The following ZCCHC24 variants were observed in gnomAD, a reference collection of about 807,000 sequenced individuals.
ZCCHC24 encodes the protein zinc finger CCHC-type containing 24, also known as zinc finger CCHC domain-containing protein 24.
ZCCHC24 carries 10 observed loss-of-function variants against 26.2 expected under a neutral mutation model. The ratio of observed to expected loss-of-function variants is 0.38; its 90% CI spans 0.24 to 0.65. ZCCHC24 has a LOEUF of 0.65. ZCCHC24 is among the 30% of genes least tolerant of loss of function. The pLI, the probability that ZCCHC24 is intolerant of heterozygous loss-of-function variation, is 0.54. For missense variants in ZCCHC24, 243 were observed against 329.1 expected (o/e 0.74, Z 2.03); for synonymous variants, 144 against 147.1 (o/e 0.98, Z 0.15).
In ZCCHC24 at chr10:79,386,195, G is replaced by C. The variant is rs1856389685; in HGVS notation, c.*150C>G. The C allele has an allele frequency of 3.0e-6, 2 of 668,690 alleles. No homozygotes were observed. Among genetic ancestry groups the C allele is most frequent in the Non-Finnish European group, 5.4e-6 (2 of 368,734 alleles). The allele number at this position is 668,690 out of a possible 1,614,324, so 41.4% of individuals were successfully genotyped here. A position where few individuals can be genotyped will look rare whatever the true frequency, so the allele number is the denominator to read the frequency against. Reference sequence around the variant, plus strand: ...TAACACTGTTTGTCAACACACACAAGACAAGGACGCTAAGAGCCCCCGGCC... The same window carrying C: ...TAACACTGTTTGTCAACACACACAACACAAGGACGCTAAGAGCCCCCGGCC... On this transcript the variant is annotated 3_prime_UTR_variant, in exon 4 of 4. Transcript: ENST00000372336.
rs1181060957 is a variant in ZCCHC24 at position 79,432,754 on chromosome 10, A to G, written c.251T>C (p.Leu84Pro). The G allele has an allele frequency of 2.5e-6, 4 of 1,607,682 alleles. No individual in the cohort carries two copies. In the South Asian group the frequency reaches 4.4e-5, roughly 18 times the overall value. Residue 84 changes from leucine (L) to proline (P), a missense_variant, in exon 2 of 4, where the codon CTG becomes CCG. Physicochemically the swap from Leu to Pro is moderately conservative, Grantham distance 98. Coordinates refer to ENST00000372336, the MANE Select transcript of ZCCHC24 (RefSeq NM_153367.4). ...SFFQLQRGEALSNSVYKGASP... is the reference protein window; with the variant it reads ...SFFQLQRGEAPSNSVYKGASP... ...GGCGCCCTTGTACACACTGTTGCTC[A>G]GCGCCTGTGGGAGACAGAGGCACAT...
chr10:79,445,319 C>A lies in ZCCHC24; in HGVS notation c.122G>T (p.Arg41Leu). Reference protein sequence around the residue: ...THQASAFDAFRPEPTAGAAPP... With the variant: ...THQASAFDAFLPEPTAGAAPP... ...TGCGGCGCCGGCGGTCGGCTCGGGC[C>A]GGAAGGCATCGAAGGCGCTAGCCTG... The change falls in exon 1 of 4, where the codon CGG becomes CTG. Residue 41 changes from arginine (R) to leucine (L), a missense_variant. Transcript: ENST00000372336. 6.6e-7 allele frequency: 1 copy of A among 1,517,738 alleles called. No homozygotes were observed. Among genetic ancestry groups the A allele is most frequent in the East Asian group, 2.8e-5 (1 of 36,158 alleles). The allele number at this position is 1,517,738 out of a possible 1,614,324, so 94.0% of individuals were successfully genotyped here.
At position 79,445,558 on chromosome 10, in the gene ZCCHC24, T is replaced by TCGCCCCGCGCCCTG. The variant is rs935167526; in HGVS notation, c.-132_-119dup. The TCGCCCCGCGCCCTG allele has an allele frequency of 2.2e-6, 2 of 928,394 alleles. No homozygotes were observed. The highest frequency in any genetic ancestry group is 2.7e-6 in the Non-Finnish European group (2 of 742,270). 57.5% of individuals were successfully genotyped at this position (928,394 alleles called of 1,614,324 possible). A position where few individuals can be genotyped will look rare whatever the true frequency, so the allele number is the denominator to read the frequency against. On this transcript the variant is annotated 5_prime_UTR_variant, in exon 1 of 4. Transcript: ENST00000372336. ...CCCGCCTCCCGAGCCCCGACGGTGA[T>TCGCCCCGCGCCCTG]CGCCCCGCGCCCTGCGCCCCGCGCG...
chr10:79,392,371 G>A (rs10762862), intron 3 of ZCCHC24, among the ~76,000 whole-genome samples: 61,207 of 151,936 alleles, frequency 0.4, 14,564 homozygotes, highest in East Asian at 0.83. Context: ...CCTCAAGCCC[G>A]CCCCAGCCCG....
At chr10:79,413,648 G>C (rs1056728487) in intron 2 of ZCCHC24, among the ~76,000 whole-genome samples, 1 of 152,230 alleles carries the variant, frequency 6.6e-6, no homozygotes, top group Non-Finnish European at 1.5e-5. Flanking sequence ...ACCATGCAAT[G>C]ACAACCGGGA....
At chr10:79,430,112 G>A (rs1857105424) in intron 2 of ZCCHC24, among the ~76,000 whole-genome samples, 1 of 152,178 alleles carries the variant, frequency 6.6e-6, no homozygotes, top group Admixed American at 6.5e-5. Context: ...CATTTACTAA[G>A]CACTTCCTGT....
At chr10:79,428,135 G>A (rs997323538) in intron 2 of ZCCHC24, among the ~76,000 whole-genome samples, 3 of 152,182 alleles carry the variant, frequency 2.0e-5, no homozygotes, top group Non-Finnish European at 4.4e-5. Context: ...CCATTGATGG[G>A]TGAACTGATT....
At chr10:79,445,038 A>C (rs1193980989) in intron 1 of ZCCHC24, among the ~76,000 whole-genome samples, 157 bp downstream of exon 1, 1 of 152,108 alleles carries the variant, frequency 6.6e-6, no homozygotes, top group East Asian at 2.0e-4. Context: ...TCGGGCGGCG[A>C]GTTTGGCAGA....
chr10:79,430,555 T>C (rs1307691406), intron 2 of ZCCHC24, among the ~76,000 whole-genome samples: 1 of 152,044 alleles, frequency 6.6e-6, no homozygotes, highest in African/African-American at 2.4e-5. Flanking sequence ...ATGATCTCTA[T>C]GAAGGAAGAT....
intron 2 of ZCCHC24, among the ~76,000 whole-genome samples, chr10:79,421,348 CCTG>C (rs1856931978): frequency 6.6e-6 from 1 of 152,172 alleles, no homozygotes. Flanking sequence ...GCACCCATCC[CCTG>C]CTATGCCATC....
In ZCCHC24 at chr10:79,385,772, G is replaced by C. The variant is rs1054608249; in HGVS notation, c.*573C>G. 1 of 174,056 alleles carries C rather than the reference G, an allele frequency of 5.7e-6. No homozygotes were observed. Among genetic ancestry groups the C allele is most frequent in the African/African-American group, 2.4e-5 (1 of 42,360 alleles). 10.8% of individuals were successfully genotyped at this position (174,056 alleles called of 1,614,324 possible). A position where few individuals can be genotyped will look rare whatever the true frequency, so the allele number is the denominator to read the frequency against. ...CAGGTGCAATGCCAGTGATGTCAGA[G>C]GGGGTCTGGATTTGGGGCTTAAGGT... On this transcript the variant is annotated 3_prime_UTR_variant, in exon 4 of 4. Coordinates refer to ENST00000372336, the MANE Select transcript of ZCCHC24 (RefSeq NM_153367.4). The surrounding 1 kb of genome is among the most constrained non-coding windows in gnomAD (Gnocchi z 4.3).
At chr10:79,425,924 GGACCATGGCTAGACCATGACTA>G (rs1233941625) in intron 2 of ZCCHC24, among the ~76,000 whole-genome samples, 16 of 152,256 alleles carry the variant, frequency 1.1e-4, no homozygotes, top group Admixed American at 1.3e-4. Context: ...GACATTGGCC[GGACCATGGCTAGACCATGACTA>G]GACCATGGCC....
chr10:79,388,480 T>C (rs1300686504), intron 3 of ZCCHC24, among the ~76,000 whole-genome samples: 1 of 152,148 alleles, frequency 6.6e-6, no homozygotes, highest in Non-Finnish European at 1.5e-5. Flanking sequence ...CTTCCCACCT[T>C]GAGTTAGAAT....
In ZCCHC24 at chr10:79,386,426, C is replaced by G. The variant is rs756961592; in HGVS notation, c.645G>C (p.Val215=). The G allele has an allele frequency of 1.2e-6, 2 of 1,605,404 alleles. No homozygotes were observed. The highest frequency in any genetic ancestry group is 1.1e-5 in the South Asian group (1 of 90,832). The change falls in exon 4 of 4, where the codon GTG becomes GTC. Residue 215 remains valine (V), a synonymous_variant. Transcript: ENST00000372336. ...RPLEKPDGLD[V]SDQSKEHPQH... ...GCGGGTGCTCCTTGCTCTGGTCGGACACGTCCAGGCCGTCGGGCTTCTCCA... is the reference window on the plus strand; with the variant it reads ...GCGGGTGCTCCTTGCTCTGGTCGGAGACGTCCAGGCCGTCGGGCTTCTCCA...
chr10:79,412,929 A>C (rs11002965), intron 2 of ZCCHC24, among the ~76,000 whole-genome samples: 61,001 of 152,076 alleles, frequency 0.4, 12,435 homozygotes, highest in Middle Eastern at 0.45. Flanking sequence ...GCCACCATCA[A>C]CATCATCATC....
chr10:79,438,368 C>T (rs922760695), intron 1 of ZCCHC24, among the ~76,000 whole-genome samples: 4 of 152,120 alleles, frequency 2.6e-5, no homozygotes, highest in Non-Finnish European at 5.9e-5. Context: ...CATACATGTC[C>T]GATATATACA....
intron 1 of ZCCHC24, among the ~76,000 whole-genome samples, chr10:79,437,612 C>T (rs1857233292): frequency 6.6e-6 from 1 of 152,174 alleles, no homozygotes; most frequent in Non-Finnish European, 1.5e-5. Flanking sequence ...GAGGAAAATG[C>T]CAGGTGCGGA....
chr10:79,431,915 G>A (rs79857895), intron 2 of ZCCHC24, among the ~76,000 whole-genome samples: 25,748 of 152,214 alleles, frequency 0.17, 2,235 homozygotes, highest in Middle Eastern at 0.26. Flanking sequence ...CATCCTGTAG[G>A]TGGGCTGGCA....
At chr10:79,442,103 G>C (rs1000218655) in intron 1 of ZCCHC24, among the ~76,000 whole-genome samples, 1 of 152,128 alleles carries the variant, frequency 6.6e-6, no homozygotes, top group Admixed American at 6.5e-5. Flanking sequence ...AGAGAGAAGG[G>C]GCTCAGCCAA....
Sources: gnomAD v4.1 joint callset for allele counts (sites outside exome capture counted in the v4.1 genomes callset) on GRCh38, gnomAD v4.1.1 for gene constraint, Gnocchi (gnomAD v3.1) non-coding constraint, MANE v1.5 for transcripts, NCBI Gene and HGNC (gene_info 2026-07-23, HGNC 2026-07-21) for gene names.